The following ADCY5 variants were observed in gnomAD, a reference collection of about 807,000 sequenced individuals.
ADCY5 encodes the protein adenylate cyclase type 5.
In ADCY5, 30 loss-of-function variants were observed where a neutral mutation model predicts 119.7. That is an observed-to-expected ratio of 0.25 (90% confidence interval 0.19 to 0.34). ADCY5 has a LOEUF of 0.34. ADCY5 is among the 10% of genes least tolerant of loss of function. The pLI is 1.00. For missense variants in ADCY5, 1,324 were observed against 1,775.2 expected (o/e 0.75, Z 4.57); for synonymous variants, 753 against 762.2 (o/e 0.99, Z 0.20).
chr3:123,307,361 G>C (rs900888864), intron 12 of ADCY5, among the ~76,000 whole-genome samples: 1 of 152,134 alleles, frequency 6.6e-6, no homozygotes, highest in African/African-American at 2.4e-5. Flanking sequence ...TGGGAAATTG[G>C]GAATAGCTCT....
At position 123,352,321 on chromosome 3, in the gene ADCY5, G is replaced by C; in HGVS notation, c.1284+111C>G. 5 of 1,359,214 alleles carry C rather than the reference G, an allele frequency of 3.7e-6. No individual in the cohort carries two copies. Among genetic ancestry groups the C allele is most frequent in the Non-Finnish European group, 4.9e-6 (5 of 1,021,906 alleles). The allele number at this position is 1,359,214 out of a possible 1,614,324, so 84.2% of individuals were successfully genotyped here. On this transcript the variant is annotated intron_variant, in intron 2 of 20. Coordinates refer to ENST00000462833, the MANE Select transcript of ADCY5 (RefSeq NM_183357.3). The surrounding 1 kb of genome is among the most constrained non-coding windows in gnomAD (Gnocchi z 4.8). ...CCATGGGTTGGTCCCCTCCCGGGGAGTGGGGCTGGCAGCCGTAATAAGCAC... is the reference window on the plus strand; with the variant it reads ...CCATGGGTTGGTCCCCTCCCGGGGACTGGGGCTGGCAGCCGTAATAAGCAC...
At chr3:123,443,408 G>C (rs923930701) in intron 1 of ADCY5, among the ~76,000 whole-genome samples, 1 of 152,058 alleles carries the variant, frequency 6.6e-6, no homozygotes. Context: ...TAACACAAAG[G>C]CTTCCCAGGC....
In ADCY5 at chr3:123,290,062, T is replaced by A. The variant is rs1200981947; in HGVS notation, c.3328-108A>T. 3 of 1,104,930 alleles carry A rather than the reference T, an allele frequency of 2.7e-6. No individual in the cohort carries two copies. The African/African-American group carries it at 4.6e-5, about 17-fold the overall frequency. 68.4% of individuals were successfully genotyped at this position (1,104,930 alleles called of 1,614,324 possible). On this transcript the variant is annotated intron_variant, in intron 18 of 20. Coordinates refer to ENST00000462833, the MANE Select transcript of ADCY5 (RefSeq NM_183357.3). ...GTGCAGCAGCATGGCCCTTCATGTG[T>A]CCGCTCTTCACACAGTGGGGCCTGT... is the stretch of plus-strand genomic sequence containing the variant.
At chr3:123,382,532 C>T (rs924854815) in intron 1 of ADCY5, among the ~76,000 whole-genome samples, 1 of 152,178 alleles carries the variant, frequency 6.6e-6, no homozygotes, top group African/African-American at 2.4e-5. Context: ...GTATCCATGT[C>T]AGATGAATGA....
intron 1 of ADCY5, among the ~76,000 whole-genome samples, chr3:123,374,707 T>G (rs1943757777): frequency 6.6e-6 from 1 of 152,018 alleles, no homozygotes; most frequent in South Asian, 2.1e-4. Context: ...GGCAGCAGCA[T>G]CTGTCTGGAG....
At chr3:123,406,371 A>G (rs1944901032) in intron 1 of ADCY5, among the ~76,000 whole-genome samples, 1 of 152,204 alleles carries the variant, frequency 6.6e-6, no homozygotes, top group Non-Finnish European at 1.5e-5. Flanking sequence ...ATGGCATGGC[A>G]TGTGCCCTCC....
rs751695054 is a variant in ADCY5, at chr3:123,304,121, G to A, written c.2505C>T (p.Thr835=). ...RKIVRSKMNS[T]LVGVFTITLV... Reference sequence around the variant, plus strand: ...GGGTGATGGTGAACACCCCAACCAGGGTGCTGTTCATCTTGGACCGCACGA... The same window carrying A: ...GGGTGATGGTGAACACCCCAACCAGAGTGCTGTTCATCTTGGACCGCACGA... Residue 835 remains threonine (T), a synonymous_variant, in exon 13 of 21, where the codon ACC becomes ACT. Coordinates refer to ENST00000462833, the MANE Select transcript of ADCY5 (RefSeq NM_183357.3). 6.2e-7 allele frequency: 1 copy of A among 1,613,744 alleles called. No individual in the cohort carries two copies. Among genetic ancestry groups the A allele is most frequent in the African/African-American group, 1.3e-5 (1 of 74,818 alleles).
intron 1 of ADCY5, among the ~76,000 whole-genome samples, chr3:123,403,611 C>G (rs948441555): frequency 6.6e-6 from 1 of 152,166 alleles, no homozygotes; most frequent in Admixed American, 6.5e-5. Context: ...CTGGGTCCAT[C>G]CCTCTAGGAA....
chr3:123,345,983 A>G (rs1175065828), intron 3 of ADCY5, among the ~76,000 whole-genome samples: 1 of 152,194 alleles, frequency 6.6e-6, no homozygotes, highest in Non-Finnish European at 1.5e-5. Context: ...CACTTAACCA[A>G]CGAGAGGACA....
At chr3:123,367,139 A>G (rs1431066329) in intron 1 of ADCY5, among the ~76,000 whole-genome samples, 1 of 152,232 alleles carries the variant, frequency 6.6e-6, no homozygotes, top group Admixed American at 6.5e-5. Context: ...TCCATGGGGA[A>G]TCCCAGAGGA....
At chr3:123,302,280 G>A (rs1348299520) in intron 14 of ADCY5, among the ~76,000 whole-genome samples, 2 of 152,202 alleles carry the variant, frequency 1.3e-5, no homozygotes, top group African/African-American at 4.8e-5. Flanking sequence ...GCACGCCACA[G>A]GTGCTTCATA....
chr3:123,420,788 C>T (rs1425786222), intron 1 of ADCY5, among the ~76,000 whole-genome samples: 2 of 152,198 alleles, frequency 1.3e-5, no homozygotes, highest in Non-Finnish European at 2.9e-5. Flanking sequence ...CAACGGAAAT[C>T]TATTGTCTCA....
chr3:123,353,376 A>C (rs1942912966), intron 1 of ADCY5, among the ~76,000 whole-genome samples: 1 of 152,278 alleles, frequency 6.6e-6, no homozygotes, highest in Non-Finnish European at 1.5e-5. Context: ...TATACGGTAC[A>C]TTCAGATCCC....
In ADCY5 at chr3:123,395,157, A is replaced by G. The variant is rs113869245; in HGVS notation, c.1135-42576T>C. ...CTGACCCCTTCAGGCCAATGCCCAG[A>G]CCCAGAGGGGAATGTCAGTCCCTTG... On this transcript the variant is annotated intron_variant, in intron 1 of 20. Coordinates refer to ENST00000462833, the MANE Select transcript of ADCY5 (RefSeq NM_183357.3). Among the ~76,000 whole-genome samples the G allele has an allele frequency of 4.2e-3, 646 of 152,318 alleles. 8 individuals carry two copies. Among genetic ancestry groups the G allele is most frequent in the African/African-American group, 0.015 (628 of 41,580 alleles).
intron 1 of ADCY5, among the ~76,000 whole-genome samples, chr3:123,414,818 A>G (rs551458192): frequency 3.3e-5 from 5 of 152,232 alleles, no homozygotes; most frequent in African/African-American, 1.2e-4. Flanking sequence ...CAGCCTCCCA[A>G]AGTGCTTGGG....
chr3:123,318,972 T>C (rs1941071218), intron 10 of ADCY5, among the ~76,000 whole-genome samples: 1 of 152,176 alleles, frequency 6.6e-6, no homozygotes, highest in African/African-American at 2.4e-5. Context: ...GACAAAGCAG[T>C]TGGGCTGTCC....
At chr3:123,284,817 T>C in intron 20 of ADCY5, 81 bp from the exon 21 acceptor site, 2 of 1,572,716 alleles carry the variant, frequency 1.3e-6, no homozygotes, top group Non-Finnish European at 1.7e-6. Flanking sequence ...CACCTCTGAC[T>C]GCCCAGCCCT....
chr3:123,296,725 G>C (rs1939537612), intron 16 of ADCY5, among the ~76,000 whole-genome samples: 1 of 152,216 alleles, frequency 6.6e-6, no homozygotes, highest in Non-Finnish European at 1.5e-5. Flanking sequence ...GGATTAAAGA[G>C]ATATTATAAA....
At position 123,314,248 on chromosome 3, in the gene ADCY5, T is replaced by G; in HGVS notation, c.2429A>C (p.Tyr810Ser). The G allele has an allele frequency of 1.2e-6, 2 of 1,611,610 alleles. No homozygotes were observed. Among genetic ancestry groups the G allele is most frequent in the Non-Finnish European group, 1.7e-6 (2 of 1,178,642 alleles). ...AGCTACACTCACCTTTACGCAGGAG[T>G]AGATCACAGACACAAACACCACCAA... ...LTLVVFVSVIYSCVKLFPSPL... is the reference protein window; with the variant it reads ...LTLVVFVSVISSCVKLFPSPL... Residue 810 changes from tyrosine to serine, a missense_variant, in exon 12 of 21, where the codon TAC (tyrosine) becomes TCC (serine). Around this residue, in one of 6 missense-constraint regions of ADCY5, gnomAD observed 424 missense variants for 546.8 expected, o/e 0.78. Transcript: ENST00000462833.
Sources: allele counts gnomAD v4.1 joint callset (sites outside exome capture counted in the v4.1 genomes callset), GRCh38; gene constraint gnomAD v4.1.1; regional missense constraint gnomAD v4.1.1; non-coding constraint Gnocchi (gnomAD v3.1); transcripts MANE v1.5; gene names NCBI Gene and HGNC (gene_info 2026-07-23, HGNC 2026-07-21).